Variants in ZNF277 observed in about 807,000 individuals in gnomAD.
ZNF277 encodes the protein nuclear receptor-interacting factor 4.
A neutral mutation model predicts 60.7 loss-of-function variants in ZNF277; 55 were observed. The ratio of observed to expected loss-of-function variants is 0.91; its 90% confidence interval spans 0.73 to 1.13. The LOEUF (loss-of-function observed/expected upper bound fraction) is 1.13, where lower values mean the gene tolerates loss of function less well. Among genes scored for constraint, ZNF277 ranks in the 50% most tolerant of loss-of-function variants. The probability of loss-of-function intolerance (pLI) is 0.00; values close to 1 mark genes in which losing one functional copy is unlikely to be tolerated. For missense variants in ZNF277, 510 were observed against 523.0 expected (o/e 0.98, Z 0.24); for synonymous variants, 178 against 179.3 (o/e 0.99, Z 0.06).
At chr7:112,240,156 C>A (rs1305929173) in intron 1 of ZNF277, among the ~76,000 whole-genome samples, 2 of 151,998 alleles carry the variant, frequency 1.3e-5, no homozygotes, top group Non-Finnish European at 2.9e-5. Context: ...GGGAAAATCA[C>A]CTTTATGAAC....
At chr7:112,305,947 G>A (rs1349026632) in intron 4 of ZNF277, among the ~76,000 whole-genome samples, 1 of 152,002 alleles carries the variant, frequency 6.6e-6, no homozygotes, top group Non-Finnish European at 1.5e-5. Context: ...CCTGCAGTCT[G>A]GGTTCTGGTA....
At chr7:112,260,064 G>A (rs1007916395) in intron 1 of ZNF277, among the ~76,000 whole-genome samples, 52 of 152,058 alleles carry the variant, frequency 3.4e-4, no homozygotes, top group Non-Finnish European at 5.4e-4. Context: ...TCCAGGAGTT[G>A]GAGACCAGCC....
At chr7:112,305,482 T>C (rs1046587806) in intron 4 of ZNF277, among the ~76,000 whole-genome samples, 1 of 151,924 alleles carries the variant, frequency 6.6e-6, no homozygotes, top group Admixed American at 6.6e-5. Flanking sequence ...GTTTAATTTG[T>C]TGGAAATTCC....
rs146166040 is a variant in ZNF277 at position 112,330,173 on chromosome 7, C to G, written c.758C>G (p.Pro253Arg). 9.7e-5 allele frequency: 157 copies of G among 1,612,920 alleles called. 2 individuals carry two copies. Among genetic ancestry groups the G allele is most frequent in the Middle Eastern group, 6.6e-4 (4 of 6,056 alleles). ...AAAAAACAGCATCGTAAGATTAATC[C>G]TAAGAACAGAGAATATGACAGATTT... Reference protein sequence around the residue: ...MRKKQHRKINPKNREYDRFYV... With the variant: ...MRKKQHRKINRKNREYDRFYV... The change falls in exon 7 of 12, where the codon CCT (proline) becomes CGT (arginine). Residue 253 changes from proline to arginine, a missense_variant. Transcript: ENST00000361822.
At chr7:112,212,955 C>T (rs941183819) in intron 1 of ZNF277, among the ~76,000 whole-genome samples, 7 of 152,020 alleles carry the variant, frequency 4.6e-5, no homozygotes, top group Non-Finnish European at 8.8e-5. Flanking sequence ...AGGTATAGGC[C>T]GTGGGATGTC....
chr7:112,306,077 A>G (rs1461049143), intron 4 of ZNF277, among the ~76,000 whole-genome samples: 1 of 151,936 alleles, frequency 6.6e-6, no homozygotes, highest in Non-Finnish European at 1.5e-5. Context: ...TCAAGTTTCC[A>G]TTTTCTTGAC....
At chr7:112,317,359 A>G (rs1018241245) in intron 4 of ZNF277, among the ~76,000 whole-genome samples, 1 of 152,272 alleles carries the variant, frequency 6.6e-6, no homozygotes, top group East Asian at 1.9e-4. Context: ...TATCAATTAT[A>G]TGTGAGAGCC....
At chr7:112,229,515 G>A (rs1480904952) in intron 1 of ZNF277, among the ~76,000 whole-genome samples, 1 of 152,198 alleles carries the variant, frequency 6.6e-6, no homozygotes, top group East Asian at 1.9e-4. Flanking sequence ...ATATGGCCAT[G>A]TGGGTCTTTG....
chr7:112,296,912 ATTTTTTTTTTTTTTTTTTT>A (rs1170078999), intron 4 of ZNF277, among the ~76,000 whole-genome samples: 1 of 39,658 alleles, frequency 2.5e-5, no homozygotes, highest in Admixed American at 3.1e-4. Context: ...TTATTTATTT[ATTTTTTTTTTTTTTTTTTT>A]TTTTTTTTTT....
At chr7:112,292,550 A>AAAT (rs893744680) in intron 2 of ZNF277, among the ~76,000 whole-genome samples, 12 of 152,132 alleles carry the variant, frequency 7.9e-5, no homozygotes, top group African/African-American at 2.9e-4. Context: ...ACTCTCTATT[A>AAAT]CAACTTTAAT....
chr7:112,310,478 A>AGAGAGAGAGAGAGTGTGT (rs762824873), intron 4 of ZNF277, among the ~76,000 whole-genome samples: 1 of 125,510 alleles, frequency 8.0e-6, no homozygotes, highest in Admixed American at 7.5e-5. Context: ...AGAGAGAGAG[A>AGAGAGAGAGAGAGTGTGT]GTGTGTGTGT....
At chr7:112,333,007 A>G (rs1469158084) in intron 7 of ZNF277, among the ~76,000 whole-genome samples, 1 of 152,176 alleles carries the variant, frequency 6.6e-6, no homozygotes, top group Non-Finnish European at 1.5e-5. Flanking sequence ...AGAGAAAAAT[A>G]AAGGCCAGTG....
At chr7:112,324,172 A>G (rs960447118) in intron 5 of ZNF277, among the ~76,000 whole-genome samples, 4 of 152,204 alleles carry the variant, frequency 2.6e-5, no homozygotes, top group Non-Finnish European at 4.4e-5. Flanking sequence ...AATTTAATAT[A>G]CCTAACCTAC....
intron 1 of ZNF277, among the ~76,000 whole-genome samples, chr7:112,208,717 G>C (rs1414141059): frequency 1.2e-5 from 1 of 83,876 alleles, no homozygotes; most frequent in Non-Finnish European, 2.1e-5. Flanking sequence ...GTCTCGCTTT[G>C]TCAACCAGGC....
chr7:112,206,773 G>C lies in ZNF277; in HGVS notation c.57G>C (p.Gly19=). Residue 19 remains glycine (G), a synonymous_variant, in exon 1 of 12, where the codon GGG becomes GGC. Coordinates refer to ENST00000361822, the MANE Select transcript of ZNF277 (RefSeq NM_021994.3). ...AVARMQEDRD[G]SCSTVGGVGY... is the part of the protein sequence containing the mutation. ...CCCGAATGCAGGAAGACCGTGATGG[G>C]AGCTGCAGCACAGTCGGGGGTGTAG... 1 of 1,613,244 alleles carries C rather than the reference G, an allele frequency of 6.2e-7. No individual in the cohort carries two copies. The highest frequency in any genetic ancestry group is 1.1e-5 in the South Asian group (1 of 91,048).
At chr7:112,298,376 G>A (rs1193774670) in intron 4 of ZNF277, among the ~76,000 whole-genome samples, 1 of 152,096 alleles carries the variant, frequency 6.6e-6, no homozygotes, top group Admixed American at 6.5e-5. Flanking sequence ...TGTAGGGAAG[G>A]GAAGAAAGAT....
chr7:112,300,815 C>G (rs1792455489), intron 4 of ZNF277, among the ~76,000 whole-genome samples: 2 of 152,108 alleles, frequency 1.3e-5, no homozygotes, highest in African/African-American at 4.8e-5. Context: ...CTCCTGGTCA[C>G]TCAGTTTGGA....
intron 1 of ZNF277, among the ~76,000 whole-genome samples, chr7:112,273,900 A>G (rs911027422): frequency 2.0e-5 from 3 of 152,176 alleles, no homozygotes; most frequent in Non-Finnish European, 4.4e-5. Flanking sequence ...TAAAACTGTG[A>G]TGATCAAATG....
chr7:112,337,733 C>G lies in ZNF277; in HGVS notation c.873C>G (p.Asp291Glu). The change falls in exon 9 of 12, where the codon GAC becomes GAG. Residue 291 changes from aspartate to glutamate, a missense_variant. By Grantham distance (45) the Asp-to-Glu change is conservative. Transcript: ENST00000361822. ...TCTCTCCTCTTTTTTAATTCAGTGA[C>G]TGGTCTGATTGGGAAGAACACCCTG... Reference protein sequence around the residue: ...DRELLDHQEDDWSDWEEHPAS... With the variant: ...DRELLDHQEDEWSDWEEHPAS... The G allele has an allele frequency of 3.1e-6, 5 of 1,611,084 alleles. No homozygotes were observed. The highest frequency in any genetic ancestry group is 2.2e-5 in the East Asian group (1 of 44,814).
Sources: gnomAD v4.1 joint callset for allele counts (sites outside exome capture counted in the v4.1 genomes callset) on GRCh38, gnomAD v4.1.1 for gene constraint, MANE v1.5 for transcripts, NCBI Gene and HGNC (gene_info 2026-07-23, HGNC 2026-07-21) for gene names.